The following ADAMTS12 variants were observed in gnomAD, a reference collection of about 807,000 sequenced individuals.
ADAMTS12 encodes ADAM metallopeptidase with thrombospondin type 1 motif 12, also known as A disintegrin and metalloproteinase with thrombospondin motifs 12.
A neutral mutation model predicts 167.8 loss-of-function variants in ADAMTS12; 118 were observed. The observed-to-expected ratio is 0.70, with a 90% CI of 0.61 to 0.82. ADAMTS12 has a LOEUF of 0.82. Ranked by LOEUF, ADAMTS12 falls within the 40% of genes least tolerant of loss-of-function variation. ADAMTS12 has a pLI of 0.00. For synonymous variants in ADAMTS12, 704 were observed against 716.9 expected (o/e 0.98, Z 0.29); for missense variants, 1,916 against 1,998.8 (o/e 0.96, Z 0.79).
intron 2 of ADAMTS12, among the ~76,000 whole-genome samples, chr5:33,833,290 T>C (rs186644028): frequency 6.6e-6 from 1 of 152,360 alleles, no homozygotes; most frequent in East Asian, 1.9e-4. Context: ...TCATTGGACT[T>C]AAGCTCAAGG....
intron 2 of ADAMTS12, among the ~76,000 whole-genome samples, chr5:33,791,873 C>T (rs1746585143): frequency 6.6e-6 from 1 of 151,360 alleles, no homozygotes; most frequent in South Asian, 2.1e-4. Flanking sequence ...AGATCCTATA[C>T]TCCTTGAAGA....
At chr5:33,725,356 G>C (rs954883483) in intron 3 of ADAMTS12, among the ~76,000 whole-genome samples, 1 of 152,096 alleles carries the variant, frequency 6.6e-6, no homozygotes, top group Admixed American at 6.6e-5. Flanking sequence ...AATATGAAGG[G>C]AATGCATTGG....
intron 2 of ADAMTS12, among the ~76,000 whole-genome samples, chr5:33,795,710 G>C (rs1746747031): frequency 6.6e-6 from 1 of 152,130 alleles, no homozygotes; most frequent in South Asian, 2.1e-4. Flanking sequence ...GTCAGTAAGA[G>C]CCACCTCAGC....
Position 33,576,436 on chromosome 5 carries a change from G to A in ADAMTS12, c.3590C>T (p.Ala1197Val), listed in dbSNP as rs1340086434. ...GCTGAGATCTGGTGTTAGTGGAGGT[G>A]CAAGTGGCATTTCTGTACTTTCCAC... ...APVESTEMPL[A>V]PPLTPDLSRE... Residue 1197 changes from alanine (A) to valine (V), a missense_variant, in exon 19 of 24, where the codon GCA (alanine) becomes GTA (valine). Physicochemically the swap from Ala to Val is moderately conservative, Grantham distance 64. Transcript: ENST00000504830. The A allele has an allele frequency of 2.5e-6, 4 of 1,611,956 alleles. No individual in the cohort carries two copies. The South Asian group carries it at 3.3e-5, about 13-fold the overall frequency.
chr5:33,722,804 T>C (rs1055247645), intron 3 of ADAMTS12, among the ~76,000 whole-genome samples: 2 of 152,198 alleles, frequency 1.3e-5, no homozygotes, highest in African/African-American at 2.4e-5. Context: ...GGTTATGTCA[T>C]GACCCAAAGT....
chr5:33,734,876 CT>C (rs1326027943), intron 3 of ADAMTS12, among the ~76,000 whole-genome samples: 2 of 152,222 alleles, frequency 1.3e-5, no homozygotes, highest in East Asian at 3.9e-4. Flanking sequence ...GGGTCTGTAA[CT>C]CTTTGGCTCT....
At chr5:33,791,693 C>T (rs1201614901) in intron 2 of ADAMTS12, among the ~76,000 whole-genome samples, 2 of 151,868 alleles carry the variant, frequency 1.3e-5, no homozygotes, top group African/African-American at 2.4e-5. Context: ...GTTGTTAAGT[C>T]TGTCTGTGGT....
intron 3 of ADAMTS12, among the ~76,000 whole-genome samples, chr5:33,707,409 A>G (rs1743241151): frequency 6.6e-6 from 1 of 152,226 alleles, no homozygotes; most frequent in African/African-American, 2.4e-5. Flanking sequence ...TGTTATTGCC[A>G]TCAAGCTACC....
At chr5:33,877,912 A>G (rs1750287986) in intron 2 of ADAMTS12, among the ~76,000 whole-genome samples, 1 of 152,198 alleles carries the variant, frequency 6.6e-6, no homozygotes, top group Non-Finnish European at 1.5e-5. Flanking sequence ...AAACAAAGCC[A>G]GGCTTGCACC....
In ADAMTS12 at chr5:33,577,006, T is replaced by A; in HGVS notation, c.3020A>T (p.Lys1007Ile). The change falls in exon 19 of 24, where the codon AAA becomes ATA. Residue 1007 changes from lysine (K) to isoleucine (I), a missense_variant. Physicochemically the swap from Lys to Ile is moderately radical, Grantham distance 102. Coordinates refer to ENST00000504830, the MANE Select transcript of ADAMTS12 (RefSeq NM_030955.4). ...PSSRRVLKPN[K>I]GTISNGKNPP... ...GTTTTTTCCATTGGAAATAGTGCCTTTGTTTGGTTTCAGAACTCTCCGGCT... is the reference window on the plus strand; with the variant it reads ...GTTTTTTCCATTGGAAATAGTGCCTATGTTTGGTTTCAGAACTCTCCGGCT... 2 of 1,614,176 alleles carry A rather than the reference T, an allele frequency of 1.2e-6. No homozygotes were observed. Among genetic ancestry groups the A allele is most frequent in the South Asian group, 1.1e-5 (1 of 91,076 alleles).
chr5:33,607,511 T>C lies in ADAMTS12; in HGVS notation c.2527+6727A>G, dbSNP rs140512602. 4.9e-3 allele frequency among the ~76,000 whole-genome samples: 746 copies of C among 152,340 alleles called. 8 individuals are homozygous for C. Among genetic ancestry groups the C allele is most frequent in the African/African-American group, 0.017 (720 of 41,572 alleles). The stretch of plus-strand genomic sequence containing the variant: ...ATTCAGGCTCTTTTTTGGTTCCATA[T>C]GAATTTTACAATAGTTTTTTTCTAG... On this transcript the variant is annotated intron_variant, in intron 16 of 23. Transcript: ENST00000504830.
At chr5:33,600,007 T>C (rs1738111945) in intron 16 of ADAMTS12, among the ~76,000 whole-genome samples, 1 of 152,234 alleles carries the variant, frequency 6.6e-6, no homozygotes, top group Non-Finnish European at 1.5e-5. Flanking sequence ...TTTTTTCCCT[T>C]TCTCTTCTAT....
At chr5:33,795,135 AG>A (rs1746725187) in intron 2 of ADAMTS12, among the ~76,000 whole-genome samples, 1 of 152,230 alleles carries the variant, frequency 6.6e-6, no homozygotes, top group Non-Finnish European at 1.5e-5. Flanking sequence ...ATTTCTCTAT[AG>A]TTCTGGCTGT....
At position 33,637,759 on chromosome 5, in the gene ADAMTS12, C is replaced by T. The variant is rs1740266415; in HGVS notation, c.1719-13G>A. 6.2e-7 allele frequency: 1 copy of T among 1,610,734 alleles called. No homozygotes were observed. The highest frequency in any genetic ancestry group is 8.5e-7 in the Non-Finnish European group (1 of 1,178,112). On this transcript the variant is annotated splice_polypyrimidine_tract_variant and intron_variant, in intron 11 of 23. Coordinates refer to ENST00000504830, the MANE Select transcript of ADAMTS12 (RefSeq NM_030955.4). ...TCCAAACTTTGGCCTGCAAATGAAA[C>T]AGACAAGCTTTTCTTTTAGTTTGCT...
intron 2 of ADAMTS12, among the ~76,000 whole-genome samples, chr5:33,776,138 G>T (rs542789113): frequency 6.6e-6 from 1 of 152,282 alleles, no homozygotes; most frequent in Non-Finnish European, 1.5e-5. Context: ...AGACTTCAAT[G>T]CTCTTCCTTT....
At chr5:33,800,151 A>G (rs1746944357) in intron 2 of ADAMTS12, among the ~76,000 whole-genome samples, 1 of 152,224 alleles carries the variant, frequency 6.6e-6, no homozygotes, top group Admixed American at 6.5e-5. Flanking sequence ...AGACTTATAT[A>G]GATACACACA....
chr5:33,538,367 G>T (rs1318781023), intron 22 of ADAMTS12, among the ~76,000 whole-genome samples: 2 of 152,154 alleles, frequency 1.3e-5, no homozygotes, highest in African/African-American at 2.4e-5. Context: ...ACCTGCCACT[G>T]GGTCTCTCCC....
chr5:33,601,282 G>A (rs1384375086), intron 16 of ADAMTS12, among the ~76,000 whole-genome samples: 1 of 152,044 alleles, frequency 6.6e-6, no homozygotes, highest in African/African-American at 2.4e-5. Flanking sequence ...TCTTCAGGAT[G>A]GCAAAAGATT....
chr5:33,637,468 C>A, intron 12 of ADAMTS12, 109 bp downstream of exon 12: 6 of 1,172,354 alleles, frequency 5.1e-6, no homozygotes, highest in Non-Finnish European at 7.1e-6. Context: ...TCCTGGTGTA[C>A]AATTGTCTTT....
Sources: gnomAD v4.1 joint callset for allele counts (sites outside exome capture counted in the v4.1 genomes callset) on GRCh38, gnomAD v4.1.1 for gene constraint, MANE v1.5 for transcripts, NCBI Gene and HGNC (gene_info 2026-07-23, HGNC 2026-07-21) for gene names.